IL1RAPL2: variants seen among roughly 807,000 people sequenced by gnomAD.
IL1RAPL2 encodes interleukin 1 receptor accessory protein like 2, also known as X-linked interleukin-1 receptor accessory protein-like 2.
In IL1RAPL2, 3 loss-of-function variants were observed where a neutral mutation model predicts 44.1. That is an observed-to-expected ratio of 0.07 (90% CI 0.03 to 0.18). The LOEUF is 0.18. Among genes scored for constraint, IL1RAPL2 ranks in the 10% least tolerant of loss-of-function variants. The pLI, the probability that IL1RAPL2 is intolerant of heterozygous loss-of-function variation, is 1.00. For missense variants in IL1RAPL2, 391 were observed against 496.4 expected, an observed-to-expected ratio of 0.79 and a Z score of 2.02; for synonymous variants, 181 against 178.8, an observed-to-expected ratio of 1.01 and a Z score of -0.10.
intron 6 of IL1RAPL2, among the ~76,000 whole-genome samples, chrX:105,508,534 A>C (rs2147784999): frequency 9.0e-6 from 1 of 110,590 alleles, no homozygotes; most frequent in Non-Finnish European, 1.9e-5. Context: ...TCAAGTAGTT[A>C]ATATTTGCCA....
At chrX:105,266,900 C>T (rs1423494360) in intron 4 of IL1RAPL2, among the ~76,000 whole-genome samples, 1 of 111,428 alleles carries the variant, frequency 9.0e-6, no homozygotes, top group Non-Finnish European at 1.9e-5. Flanking sequence ...ATTAATGAAA[C>T]AATTGTAAAC....
At chrX:104,819,159 A>G (rs1569320301) in intron 2 of IL1RAPL2, among the ~76,000 whole-genome samples, 3 of 112,460 alleles carry the variant, frequency 2.7e-5, no homozygotes, top group Non-Finnish European at 3.8e-5. Context: ...ATGCTTCTCA[A>G]TTTACAATAG....
chrX:104,801,920 A>G (rs1327808086), intron 2 of IL1RAPL2, among the ~76,000 whole-genome samples: 1 of 111,767 alleles, frequency 8.9e-6, no homozygotes, highest in Non-Finnish European at 1.9e-5. Context: ...TTTTCTCAAA[A>G]TAGCTTCGCC....
chrX:105,076,724 C>G (rs1195250693), intron 2 of IL1RAPL2, among the ~76,000 whole-genome samples: 2 of 111,635 alleles, frequency 1.8e-5, no homozygotes, highest in Non-Finnish European at 3.8e-5. Flanking sequence ...AATCTGGGTG[C>G]TCCAGTATTG....
chrX:105,639,643 C>T (rs1191415368), intron 6 of IL1RAPL2, among the ~76,000 whole-genome samples: 1 of 111,421 alleles, frequency 9.0e-6, no homozygotes, highest in African/African-American at 3.3e-5. Flanking sequence ...TTTATAATTT[C>T]ATTTACCTTT....
At chrX:105,636,711 A>G (rs1421902109) in intron 6 of IL1RAPL2, among the ~76,000 whole-genome samples, 1 of 112,064 alleles carries the variant, frequency 8.9e-6, no homozygotes, top group Non-Finnish European at 1.9e-5. Context: ...AAATCAACAC[A>G]GTATAATACA....
At chrX:104,764,504 G>A (rs1932522466) in intron 2 of IL1RAPL2, among the ~76,000 whole-genome samples, 1 of 111,712 alleles carries the variant, frequency 9.0e-6, no homozygotes, top group African/African-American at 3.2e-5. Context: ...CTGCAAACAA[G>A]GATAATTTGA....
chrX:105,536,856 A>G (rs1351668948), intron 6 of IL1RAPL2, among the ~76,000 whole-genome samples: 1 of 112,035 alleles, frequency 8.9e-6, no homozygotes, highest in Non-Finnish European at 1.9e-5. Context: ...TAACATATGT[A>G]AGGAGTAACT....
chrX:104,914,835 C>T lies in IL1RAPL2; in HGVS notation c.82+255840C>T, dbSNP rs746543064. 1.8e-4 allele frequency among the ~76,000 whole-genome samples: 20 copies of T among 110,683 alleles called. No homozygotes were observed. In the South Asian group the frequency reaches 7.0e-3, roughly 39 times the overall value. On this transcript the variant is annotated intron_variant, in intron 2 of 10. Transcript: ENST00000372582. ...GCGGTGTTTGGTTTTTTGTCCTTGCCGTAGTTAACTGAGAATGATGATTTC... is the reference window on the plus strand; with the variant it reads ...GCGGTGTTTGGTTTTTTGTCCTTGCTGTAGTTAACTGAGAATGATGATTTC...
chrX:104,909,692 G>T (rs1924166896), intron 2 of IL1RAPL2, among the ~76,000 whole-genome samples: 1 of 112,244 alleles, frequency 8.9e-6, no homozygotes, highest in African/African-American at 3.2e-5. Context: ...TGAGGAGGCA[G>T]TCTGCCCCTT....
chrX:105,312,902 T>C (rs1268542213), intron 5 of IL1RAPL2, among the ~76,000 whole-genome samples: 1 of 111,808 alleles, frequency 8.9e-6, no homozygotes, highest in East Asian at 2.8e-4. Context: ...CTTTGGACAT[T>C]TGTTCTTTCT....
At chrX:105,506,470 C>T (rs372639145) in intron 6 of IL1RAPL2, among the ~76,000 whole-genome samples, 33 of 111,099 alleles carry the variant, frequency 3.0e-4, no homozygotes, top group African/African-American at 9.5e-4. Flanking sequence ...TTATTATGCA[C>T]TCTTCTGGTA....
intron 2 of IL1RAPL2, among the ~76,000 whole-genome samples, chrX:104,826,547 T>C (rs1339378340): frequency 1.8e-5 from 2 of 111,766 alleles, no homozygotes; most frequent in African/African-American, 3.3e-5. Context: ...TGGTCAATTT[T>C]AGAATAAGTG....
chrX:105,031,921 T>A (rs1479498624), intron 2 of IL1RAPL2, among the ~76,000 whole-genome samples: 1 of 111,875 alleles, frequency 8.9e-6, no homozygotes, highest in African/African-American at 3.3e-5. Flanking sequence ...ATTGGTCTCT[T>A]CAGAGATTCA....
At chrX:104,897,003 C>T (rs1172160183) in intron 2 of IL1RAPL2, among the ~76,000 whole-genome samples, 1 of 111,742 alleles carries the variant, frequency 8.9e-6, no homozygotes, top group Non-Finnish European at 1.9e-5. Flanking sequence ...CACATCTGAA[C>T]ATCTGAAGGA....
chrX:104,761,917 CCTTCTCCTTCTTCTT>C (rs754435305), intron 2 of IL1RAPL2, among the ~76,000 whole-genome samples: 71 of 30,751 alleles, frequency 2.3e-3, no homozygotes, highest in Admixed American at 6.5e-3. Context: ...TTCTCCTTCT[CCTTCTCCTTCTTCTT>C]CTTCTTCTTC....
At chrX:104,845,923 CT>C (rs1922038237) in intron 2 of IL1RAPL2, among the ~76,000 whole-genome samples, 1 of 111,631 alleles carries the variant, frequency 9.0e-6, no homozygotes, top group South Asian at 3.8e-4. Flanking sequence ...TGATTGATGA[CT>C]AAGAGTCAGT....
intron 6 of IL1RAPL2, among the ~76,000 whole-genome samples, chrX:105,518,952 C>G (rs941517302): frequency 9.0e-6 from 1 of 111,238 alleles, no homozygotes; most frequent in Non-Finnish European, 1.9e-5. Flanking sequence ...CATGAGTGCC[C>G]TGGTAGAAAA....
chrX:104,916,703 G>C (rs1180640020), intron 2 of IL1RAPL2, among the ~76,000 whole-genome samples: 1 of 111,292 alleles, frequency 9.0e-6, no homozygotes. Flanking sequence ...TTGGCTGTGG[G>C]TTTGTCACAG....
Sources: gnomAD v4.1 joint callset for allele counts (sites outside exome capture counted in the v4.1 genomes callset) on GRCh38, gnomAD v4.1.1 for gene constraint, MANE v1.5 for transcripts, NCBI Gene and HGNC (gene_info 2026-07-23, HGNC 2026-07-21) for gene names.